The following C2 variants were observed in gnomAD, a reference collection of about 807,000 sequenced individuals.
The protein encoded by C2 is C3/C5 convertase.
A neutral mutation model predicts 85.2 loss-of-function variants in C2; 64 were observed. The observed-to-expected ratio is 0.75, with a 90% confidence interval of 0.61 to 0.92. The LOEUF is 0.92. Ranked by LOEUF, C2 falls within the 40% of genes least tolerant of loss-of-function variation. The pLI is 0.00. For missense variants in C2, 820 were observed against 971.6 expected, an observed-to-expected ratio of 0.84 and a Z score of 2.07; for synonymous variants, 311 against 370.8, an observed-to-expected ratio of 0.84 and a Z score of 1.85.
chr6:31,943,454 C>T lies in C2; in HGVS notation c.1494C>T (p.Ser498=), dbSNP rs774403540. The change falls in exon 12 of 18, where the codon TCC becomes TCT. Residue 498 remains serine (S), a synonymous_variant. Coordinates refer to ENST00000299367, the MANE Select transcript of C2 (RefSeq NM_000063.6). This position sits in a 1 kb window ranked among gnomAD's most constrained non-coding sequence, Gnocchi z 6.4. The part of the protein sequence containing the change: ...SQETCRGALI[S]DQWVLTAAHC... ...AGACCTGCCGGGGGGCCCTCATCTC[C>T]GACCAATGGGTCCTGACAGCAGCTC... 62 of 1,612,958 alleles carry T rather than the reference C, an allele frequency of 3.8e-5. No individual in the cohort carries two copies. Among genetic ancestry groups the T allele is most frequent in the East Asian group, 1.1e-4 (5 of 44,896 alleles).
chr6:31,901,566 C>G (rs1333163844), intron 1 of C2, among the ~76,000 whole-genome samples: 19 of 151,964 alleles, frequency 1.3e-4, no homozygotes, highest in African/African-American at 3.9e-4. Context: ...TAGGATGGGG[C>G]GAGCCCGCGC....
At chr6:31,923,741 G>C (rs1239343600), upstream of C2, among the ~76,000 whole-genome samples, 2 of 150,836 alleles carry the variant, frequency 1.3e-5, no homozygotes, top group Non-Finnish European at 1.5e-5. Context: ...CGCCCGCCTC[G>C]GCCTCCCAAA....
intron 3 of C2, among the ~76,000 whole-genome samples, chr6:31,932,165 T>G (rs9267706): frequency 2.4e-3 from 146 of 60,148 alleles, no homozygotes; most frequent in East Asian, 3.5e-3. Context: ...CCGGGCAGAG[T>G]GGCTCCTCAC....
rs757266578 is a variant in C2 at position 31,933,746 on chromosome 6, C to A, written c.579C>A (p.Gly193=). 8 of 1,613,566 alleles carry A rather than the reference C, an allele frequency of 5.0e-6. No individual in the cohort carries two copies. In the Admixed American group the frequency reaches 1.3e-4, roughly 27 times the overall value. Residue 193 remains glycine, a synonymous_variant, in exon 4 of 18, where the codon GGC becomes GGA. Coordinates refer to ENST00000299367, the MANE Select transcript of C2 (RefSeq NM_000063.6). ...LTGSSERECQ[G]NGVWSGTEPI... is the part of the protein sequence containing the mutation. ...GGTCTTCGGAGCGGGAGTGCCAGGG[C>A]AACGGGGTCTGGAGTGGAACGGAGC...
chr6:31,914,590 CAAA>C (rs531356471), intron 1 of C2, among the ~76,000 whole-genome samples: 3 of 118,002 alleles, frequency 2.5e-5, no homozygotes, highest in African/African-American at 6.3e-5. Context: ...GACTCCGTCT[CAAA>C]AAAAAAAAAG....
In C2 at chr6:31,904,127, C is replaced by T. The variant is rs1190021924; in HGVS notation, c.73+2988C>T. 1.3e-5 allele frequency among the ~76,000 whole-genome samples: 2 copies of T among 151,848 alleles called. No homozygotes were observed. The highest frequency in any genetic ancestry group is 2.9e-5 in the Non-Finnish European group (2 of 68,006). On this transcript the variant is annotated intron_variant, in intron 1 of 3. Coordinates refer to the C2 transcript ENST00000452202. This position sits in a 1 kb window ranked among gnomAD's most constrained non-coding sequence, Gnocchi z 4.4. The stretch of plus-strand genomic sequence containing the variant: ...ATCACAGTGTCCTTATCTTTGTCTC[C>T]CCCGCCCATCCTTAGCTCATCTGAA...
intron 9 of C2, chr6:31,941,814 C>CTTTTTTTTTTTTTTTTTTTTT (rs9281643): frequency 1.0e-5 from 1 of 96,684 alleles, no homozygotes; most frequent in Non-Finnish European, 1.9e-5. Flanking sequence ...AGCCAGTTCA[C>CTTTTTTTTTTTTTTTTTTTTT]TTTTTTTTTT....
intron 1 of C2, among the ~76,000 whole-genome samples, chr6:31,910,261 G>A (rs1768003259): frequency 6.6e-6 from 1 of 151,448 alleles, no homozygotes; most frequent in African/African-American, 2.4e-5. Context: ...AATGACTAAT[G>A]ATGTTGAGCA....
At chr6:31,939,753 C>CAAG (rs1770734871) in intron 9 of C2, among the ~76,000 whole-genome samples, 1 of 151,940 alleles carries the variant, frequency 6.6e-6, no homozygotes, top group South Asian at 2.1e-4. Context: ...ATGCTCAGCC[C>CAAG]GTCTTCACAA....
At chr6:31,910,689 T>G (rs1413165785) in intron 1 of C2, among the ~76,000 whole-genome samples, 1 of 152,044 alleles carries the variant, frequency 6.6e-6, no homozygotes, top group Non-Finnish European at 1.5e-5. Flanking sequence ...ACTTTAAAAA[T>G]GAATCATGAG....
chr6:31,934,202 G>C lies in C2; in HGVS notation c.752G>C (p.Gly251Ala). Residue 251 changes from glycine to alanine, a missense_variant, in exon 6 of 18, where the codon GGT becomes GCT. Transcript: ENST00000299367. Reference protein sequence around the residue: ...LGRKIQIQRSGHLNLYLLLDC... With the variant: ...LGRKIQIQRSAHLNLYLLLDC... Reference sequence around the variant, plus strand: ...CGTAAAATCCAAATCCAGCGCTCTGGTCATCTGAACCTCTACCTGCTCCTG... The same window carrying C: ...CGTAAAATCCAAATCCAGCGCTCTGCTCATCTGAACCTCTACCTGCTCCTG... The C allele has an allele frequency of 6.2e-7, 1 of 1,614,210 alleles. No individual in the cohort carries two copies. The highest frequency in any genetic ancestry group is 8.5e-7 in the Non-Finnish European group (1 of 1,180,040).
intron 1 of C2, among the ~76,000 whole-genome samples, chr6:31,914,910 C>CACA (rs545113057): frequency 3.2e-4 from 48 of 151,862 alleles, no homozygotes; most frequent in East Asian, 1.7e-3. Context: ...AAGACTCCAT[C>CACA]ACAACAACAA....
chr6:31,941,445 A>G (rs1770870013), intron 9 of C2: 1 of 152,158 alleles, frequency 6.6e-6, no homozygotes, highest in Non-Finnish European at 1.5e-5. Context: ...TCTCTTATAT[A>G]GATAGGAGAC....
rs567404618 is a variant in C2, at chr6:31,910,872, C to T, written c.73+9733C>T. Among the ~76,000 whole-genome samples, 14 of 151,656 alleles carry T rather than the reference C, an allele frequency of 9.2e-5. No individual in the cohort carries two copies. The South Asian group carries it at 1.0e-3, about 11-fold the overall frequency. On this transcript the variant is annotated intron_variant, in intron 1 of 3. Coordinates refer to the C2 transcript ENST00000452202. The stretch of plus-strand genomic sequence containing the variant: ...GCGCATGCCTGTAATCCCAGCTACT[C>T]GGGAGGCTGAGGCAGGATAATCTCT...
intron 7 of C2, 157 bp downstream of exon 7, chr6:31,936,218 G>C (rs1770408341): frequency 5.3e-6 from 4 of 754,292 alleles, no homozygotes; most frequent in Non-Finnish European, 9.0e-6. Context: ...GGGTTATGGT[G>C]GGGGAGTCCA....
chr6:31,899,278 T>A (rs1202645181), upstream of C2, among the ~76,000 whole-genome samples: 1 of 132,478 alleles, frequency 7.5e-6, no homozygotes, highest in Non-Finnish European at 1.6e-5. Context: ...CTATCCATTG[T>A]TTCTTGCTAT....
intron 9 of C2, chr6:31,941,035 T>G (rs1053958573): frequency 1.2e-4 from 18 of 152,268 alleles, no homozygotes; most frequent in African/African-American, 4.3e-4. Context: ...CGCGGCCTGT[T>G]GTGTGGGTCC....
chr6:31,930,508 A>G (rs2257331), intron 3 of C2, among the ~76,000 whole-genome samples: 11,125 of 152,222 alleles, frequency 0.073, 449 homozygotes, highest in African/African-American at 0.11. Flanking sequence ...GTGCCACCAC[A>G]CCTGGCCATA....
At position 31,901,261 on chromosome 6, in the gene C2, G is replaced by A. The variant is rs368589481; in HGVS notation, c.73+122G>A. The A allele has an allele frequency of 1.6e-5, 26 of 1,612,548 alleles. 1 individual carries two copies. The highest frequency in any genetic ancestry group is 5.0e-5 in the Admixed American group (3 of 59,978). ...TCATGTTCCGTAGCGTTGCGGCCTC[G>A]TGGCCGGGCAGCTGGAAGCGCAGGA... On this transcript the variant is annotated intron_variant, in intron 1 of 3. Transcript: ENST00000452202.
Sources: gnomAD v4.1 joint callset for allele counts (sites outside exome capture counted in the v4.1 genomes callset) on GRCh38, gnomAD v4.1.1 for gene constraint, Gnocchi (gnomAD v3.1) non-coding constraint, MANE v1.5 for transcripts, NCBI Gene and HGNC (gene_info 2026-07-23, HGNC 2026-07-21) for gene names.